The following DNAH9 variants were observed in gnomAD, a reference collection of about 807,000 sequenced individuals.
DNAH9 encodes dynein axonemal heavy chain 9, also known as DNAH9 variant protein.
A neutral mutation model predicts 471.6 loss-of-function variants in DNAH9; 345 were observed. That is an observed-to-expected ratio of 0.73 (90% CI 0.67 to 0.80). The LOEUF (loss-of-function observed/expected upper bound fraction) is 0.80, where lower values mean the gene tolerates loss of function less well. Ranked by LOEUF, DNAH9 falls within the 30% of genes least tolerant of loss-of-function variation. DNAH9 has a pLI of 0.00. For synonymous variants in DNAH9, 2,093 were observed against 2,123.6 expected, an observed-to-expected ratio of 0.99 and a Z score of 0.40; for missense variants, 5,407 against 5,609.2, an observed-to-expected ratio of 0.96 and a Z score of 1.15.
intron 20 of DNAH9, among the ~76,000 whole-genome samples, chr17:11,693,237 C>CT (rs776422086): frequency 0.054 from 4,185 of 77,384 alleles, 112 homozygotes; most frequent in Admixed American, 0.071. Flanking sequence ...TTAAAATGCC[C>CT]TTTTTTTTTT....
chr17:11,671,328 A>T (rs561977058), intron 17 of DNAH9, among the ~76,000 whole-genome samples: 90 of 152,310 alleles, frequency 5.9e-4, no homozygotes, highest in African/African-American at 2.1e-3. Flanking sequence ...CAGATAGATT[A>T]TTACTCATAG....
chr17:11,788,872 T>A (rs1454648914), intron 41 of DNAH9, among the ~76,000 whole-genome samples: 1 of 152,074 alleles, frequency 6.6e-6, no homozygotes, highest in East Asian at 1.9e-4. Context: ...TCTCTACTGG[T>A]TTTTCTGGGT....
intron 25 of DNAH9, 139 bp downstream of exon 25, chr17:11,704,581 ACT>A: frequency 1.6e-6 from 1 of 639,798 alleles, no homozygotes; most frequent in Non-Finnish European, 2.4e-6. Context: ...GGCTGCTCCT[ACT>A]TTTTTTTTTT....
In DNAH9 at chr17:11,689,919, C is replaced by A; in HGVS notation, c.4097C>A (p.Thr1366Lys). 6.2e-7 allele frequency: 1 copy of A among 1,609,372 alleles called. No homozygotes were observed. Among genetic ancestry groups the A allele is most frequent in the Non-Finnish European group, 8.5e-7 (1 of 1,177,606 alleles). Residue 1366 changes from threonine to lysine, a missense_variant, in exon 20 of 69, where the codon ACG becomes AAG. This residue lies in a region of DNAH9 where 4,636 missense variants were observed against 4,900.3 expected (regional missense o/e 0.95). Coordinates refer to ENST00000262442, the MANE Select transcript of DNAH9 (RefSeq NM_001372.4). ...FTGLESTVWNTLSSLRAVAEL... is the reference protein window; with the variant it reads ...FTGLESTVWNKLSSLRAVAEL... ...GGCCTGGAAAGCACTGTGTGGAACACGCTGAGCTCCCTGAGGGCAGTAGCT... is the reference window on the plus strand; with the variant it reads ...GGCCTGGAAAGCACTGTGTGGAACAAGCTGAGCTCCCTGAGGGCAGTAGCT...
intron 49 of DNAH9, among the ~76,000 whole-genome samples, chr17:11,838,796 C>A (rs1970932463): frequency 6.6e-6 from 1 of 152,160 alleles, no homozygotes; most frequent in Non-Finnish European, 1.5e-5. Context: ...CCATAGTACA[C>A]CACCTGTAGT....
chr17:11,876,264 C>T (rs1392610083), intron 53 of DNAH9, among the ~76,000 whole-genome samples: 1 of 152,024 alleles, frequency 6.6e-6, no homozygotes, highest in Non-Finnish European at 1.5e-5. Flanking sequence ...GAAAACAGTT[C>T]TTAAAAGAGC....
intron 62 of DNAH9, among the ~76,000 whole-genome samples, chr17:11,927,876 G>A (rs908570336): frequency 1.3e-5 from 2 of 152,154 alleles, no homozygotes; most frequent in African/African-American, 4.8e-5. Flanking sequence ...TCCTAGACCT[G>A]CCCAGTAGCA....
intron 46 of DNAH9, 121 bp from the exon 47 acceptor site, chr17:11,822,314 ATAT>A: frequency 8.1e-7 from 1 of 1,234,448 alleles, no homozygotes; most frequent in Non-Finnish European, 1.1e-6. Context: ...GCATTTACAG[ATAT>A]TATCTCTGTT....
chr17:11,639,413 G>A (rs1028008734), intron 9 of DNAH9, among the ~76,000 whole-genome samples: 2 of 152,202 alleles, frequency 1.3e-5, no homozygotes, highest in Non-Finnish European at 2.9e-5. Flanking sequence ...TTTAAAAAGC[G>A]AAACCTCACA....
intron 45 of DNAH9, among the ~76,000 whole-genome samples, chr17:11,819,199 A>G (rs991595597): frequency 1.3e-5 from 2 of 152,124 alleles, no homozygotes; most frequent in Non-Finnish European, 2.9e-5. Context: ...TCCTTGCGAA[A>G]CAATTTGGAC....
chr17:11,920,523 A>C (rs954561657), intron 61 of DNAH9, among the ~76,000 whole-genome samples: 8 of 150,814 alleles, frequency 5.3e-5, no homozygotes, highest in African/African-American at 1.9e-4. Context: ...CGGGAGGCTG[A>C]GGCAGGAGAA....
intron 52 of DNAH9, among the ~76,000 whole-genome samples, chr17:11,874,409 T>G (rs1230684552): frequency 2.0e-5 from 3 of 152,052 alleles, no homozygotes; most frequent in Non-Finnish European, 2.9e-5. Context: ...AGCAGGCAGG[T>G]TTGCAAGAGT....
At position 11,711,667 on chromosome 17, in the gene DNAH9, AC is replaced by A. The variant is rs1209833770; in HGVS notation, c.5552+6483del. Reference sequence around the variant, plus strand: ...AATGACAAATTCAAAAATATAAACCACTGGGGTTTTTGATTGGCATGCCTTA... The same window carrying A: ...AATGACAAATTCAAAAATATAAACCATGGGGTTTTTGATTGGCATGCCTTA... On this transcript the variant is annotated intron_variant, in intron 26 of 68. Coordinates refer to ENST00000262442, the MANE Select transcript of DNAH9 (RefSeq NM_001372.4). Among the ~76,000 whole-genome samples, 5 of 151,524 alleles carry A rather than the reference AC, an allele frequency of 3.3e-5. 1 individual carries two copies. The highest frequency in any genetic ancestry group is 1.2e-4 in the African/African-American group (5 of 41,312).
chr17:11,598,635 G>A lies in DNAH9; in HGVS notation c.137G>A (p.Cys46Tyr). 1 of 1,343,928 alleles carries A rather than the reference G, an allele frequency of 7.4e-7. No homozygotes were observed. Among genetic ancestry groups the A allele is most frequent in the African/African-American group, 1.5e-5 (1 of 65,084 alleles). The allele number at this position is 1,343,928 out of a possible 1,614,324, so 83.3% of individuals were successfully genotyped here. Residue 46 changes from cysteine (C) to tyrosine (Y), a missense_variant, in exon 1 of 69, where the codon TGC becomes TAC. By Grantham distance (194) the Cys-to-Tyr change is radical. This residue lies in a region of DNAH9 where 767 missense variants were observed against 692.5 expected (regional missense o/e 1.11). Transcript: ENST00000262442. ...CCGGCTGCGGGCGCCTGGGAGCGTT[G>A]CGCGGGGAGTGCTGAGGCGGAGCAG... The part of the protein sequence containing the change: ...LRPAAGAWER[C>Y]AGSAEAEQLL...
At position 11,768,596 on chromosome 17, in the gene DNAH9, G is replaced by C. The variant is rs2277658; in HGVS notation, c.7314G>C (p.Gln2438His). The C allele has an allele frequency of 0.024, 38,849 of 1,613,916 alleles. 3,175 individuals carry two copies. In the African/African-American group the frequency reaches 0.26, roughly 11 times the overall value. ...AGCCTTGGTCCAAGCTCGTCCCCCA[G>C]TTCGAATTTGACCCCGAGATGCCCT... ...KFEPWSKLVPQFEFDPEMPLQ... is the reference protein window; with the variant it reads ...KFEPWSKLVPHFEFDPEMPLQ... The change falls in exon 37 of 69, where the codon CAG (glutamine) becomes CAC (histidine). Residue 2438 changes from glutamine to histidine, a missense_variant. By Grantham distance (24) the Gln-to-His change is conservative. This residue lies in a region of DNAH9 where 4,636 missense variants were observed against 4,900.3 expected (regional missense o/e 0.95). Coordinates refer to ENST00000262442, the MANE Select transcript of DNAH9 (RefSeq NM_001372.4).
intron 29 of DNAH9, among the ~76,000 whole-genome samples, chr17:11,739,959 C>T (rs1450062104): frequency 1.3e-5 from 2 of 152,190 alleles, no homozygotes; most frequent in Non-Finnish European, 2.9e-5. Context: ...GTTGTCAACA[C>T]TTTACTGGAT....
chr17:11,929,997 C>A lies in DNAH9; in HGVS notation c.12009C>A (p.Ile4003=). The change falls in exon 63 of 69, where the codon ATC becomes ATA. Residue 4003 remains isoleucine, a synonymous_variant. Transcript: ENST00000262442. ...EPAPSPEGHI[I]PQGILENSIK... ...CACCCTCCCCTGAGGGCCACATCAT[C>A]CCCCAGGGCATCCTGGAGAACTCCA... The A allele has an allele frequency of 6.2e-7, 1 of 1,614,028 alleles. No homozygotes were observed. The highest frequency in any genetic ancestry group is 8.5e-7 in the Non-Finnish European group (1 of 1,179,964).
In DNAH9 at chr17:11,632,715, TG is replaced by T; in HGVS notation, c.1635+16del. ...AGCATGCCTTTAAGGTTTGTGTAAA[TG>T]GGGCAGGAGCCACTCGGTCCTGGAT... is the stretch of plus-strand genomic sequence containing the variant. On this transcript the variant is annotated intron_variant, in intron 8 of 68. Transcript: ENST00000262442. 4 of 1,392,512 alleles carry T rather than the reference TG, an allele frequency of 2.9e-6. No homozygotes were observed. The South Asian group carries it at 4.6e-5, about 16-fold the overall frequency. 86.3% of individuals were successfully genotyped at this position (1,392,512 alleles called of 1,614,324 possible).
chr17:11,945,530 T>G (rs1181444562), intron 67 of DNAH9, among the ~76,000 whole-genome samples: 1 of 138,884 alleles, frequency 7.2e-6, no homozygotes, highest in Non-Finnish European at 1.5e-5. Context: ...AGAGAGAGAT[T>G]CCATCTCAAA....
Sources: gnomAD v4.1 joint callset for allele counts (sites outside exome capture counted in the v4.1 genomes callset) on GRCh38, gnomAD v4.1.1 for gene constraint, gnomAD v4.1.1 regional missense constraint, MANE v1.5 for transcripts, NCBI Gene and HGNC (gene_info 2026-07-23, HGNC 2026-07-21) for gene names.